Variants in FGF14 observed in about 807,000 individuals in gnomAD.
FGF14 encodes the protein fibroblast growth factor homologous factor 4.
A neutral mutation model predicts 25.5 loss-of-function variants in FGF14; 5 were observed. The observed-to-expected ratio is 0.20, with a 90% CI of 0.10 to 0.41. The LOEUF (loss-of-function observed/expected upper bound fraction) is 0.41, where lower values mean the gene tolerates loss of function less well. Ranked by LOEUF, FGF14 falls within the 10% of genes least tolerant of loss-of-function variation. The probability of loss-of-function intolerance (pLI) is 1.00; values close to 1 mark genes in which losing one functional copy is unlikely to be tolerated. For synonymous variants in FGF14, 138 were observed against 118.3 expected, an observed-to-expected ratio of 1.17 and a Z score of -1.08; for missense variants, 222 against 320.1, an observed-to-expected ratio of 0.69 and a Z score of 2.34.
intron 1 of FGF14, among the ~76,000 whole-genome samples, chr13:102,219,482 T>C (rs756914401): frequency 7.2e-5 from 11 of 152,204 alleles, no homozygotes; most frequent in Admixed American, 3.3e-4. Context: ...AGTTGTAGAA[T>C]TGAACCTTCT....
intron 1 of FGF14, among the ~76,000 whole-genome samples, chr13:101,908,072 G>A (rs1247737190): frequency 6.6e-6 from 1 of 152,144 alleles, no homozygotes; most frequent in Admixed American, 6.6e-5. Context: ...GTAGAAATGG[G>A]AGAGGAGACA....
In FGF14 at chr13:102,160,919, G is replaced by A. The variant is rs561755499; in HGVS notation, c.208+240552C>T. ...ATGTAGTGTTGAATTACAACTCAACGGAAGAACTCACAACTGAACCTCAGC... is the reference window on the plus strand; with the variant it reads ...ATGTAGTGTTGAATTACAACTCAACAGAAGAACTCACAACTGAACCTCAGC... On this transcript the variant is annotated intron_variant, in intron 1 of 4. Transcript: ENST00000376131. 5.9e-5 allele frequency among the ~76,000 whole-genome samples: 9 copies of A among 152,144 alleles called. No individual in the cohort carries two copies. In the South Asian group the frequency reaches 1.2e-3, roughly 21 times the overall value.
rs1317618800 is a variant in FGF14, at chr13:101,719,098, G to A, written c.*3733C>T. ...TCTCAACTGGATGTTAGTCAATGTG[G>A]TCTCTTTTTGAATATGTATCAAATA... is the stretch of plus-strand genomic sequence containing the variant. On this transcript the variant is annotated 3_prime_UTR_variant, in exon 5 of 5. Transcript: ENST00000376143. 6.6e-6 allele frequency: 1 copy of A among 152,094 alleles called. No homozygotes were observed. The highest frequency in any genetic ancestry group is 2.4e-5 in the African/African-American group (1 of 41,422). The allele number at this position is 152,094 out of a possible 1,614,324, so 9.4% of individuals were successfully genotyped here. A position where few individuals can be genotyped will look rare whatever the true frequency, so the allele number is the denominator to read the frequency against.
At chr13:101,796,589 A>C (rs1024670553) in intron 3 of FGF14, among the ~76,000 whole-genome samples, 1 of 152,044 alleles carries the variant, frequency 6.6e-6, no homozygotes, top group Non-Finnish European at 1.5e-5. Flanking sequence ...AAATACGATC[A>C]TGAAGATAGG....
At chr13:101,875,943 A>G (rs1024634188) in intron 1 of FGF14, among the ~76,000 whole-genome samples, 5 of 152,102 alleles carry the variant, frequency 3.3e-5, no homozygotes, top group African/African-American at 1.2e-4. Flanking sequence ...AACACAGCAA[A>G]CCCACGCATA....
At chr13:102,175,482 C>G (rs963537699) in intron 1 of FGF14, among the ~76,000 whole-genome samples, 12 of 152,000 alleles carry the variant, frequency 7.9e-5, no homozygotes, top group African/African-American at 2.7e-4. Context: ...TATAAAAACT[C>G]CTGGAATGAA....
rs557316997 is a variant in FGF14, at chr13:102,002,470, T to C, written c.209-127174A>G. 2.9e-4 allele frequency: 45 copies of C among 156,878 alleles called. 1 individual carries two copies. The South Asian group carries it at 8.2e-3, about 29-fold the overall frequency. 9.7% of individuals were successfully genotyped at this position (156,878 alleles called of 1,614,324 possible). On this transcript the variant is annotated intron_variant, in intron 1 of 4. Coordinates refer to the FGF14 transcript ENST00000376131. Reference sequence around the variant, plus strand: ...CTACTGTGATATGGATAGTATCAAGTTGACTTTCCTTACAGCTGCAAACAA... The same window carrying C: ...CTACTGTGATATGGATAGTATCAAGCTGACTTTCCTTACAGCTGCAAACAA...
At chr13:102,100,512 G>A (rs969108043) in intron 1 of FGF14, among the ~76,000 whole-genome samples, 2 of 152,212 alleles carry the variant, frequency 1.3e-5, no homozygotes, top group Admixed American at 6.5e-5. Context: ...CACAGACAAG[G>A]CTTGTCAGTA....
At chr13:102,135,047 AC>A (rs1332922623) in intron 1 of FGF14, among the ~76,000 whole-genome samples, 10 of 151,314 alleles carry the variant, frequency 6.6e-5, no homozygotes, top group African/African-American at 2.2e-4. Flanking sequence ...ACACACACAC[AC>A]ACACACACAC....
At chr13:102,062,584 C>A (rs1488574791) in intron 1 of FGF14, among the ~76,000 whole-genome samples, 2 of 151,946 alleles carry the variant, frequency 1.3e-5, no homozygotes, top group African/African-American at 4.8e-5. Context: ...TATATAGAGG[C>A]CATTTTCAAA....
chr13:102,070,735 T>C (rs1172883053), intron 1 of FGF14, among the ~76,000 whole-genome samples: 2 of 152,194 alleles, frequency 1.3e-5, no homozygotes, highest in Admixed American at 1.3e-4. Flanking sequence ...TGAGTTTTCA[T>C]GGAAAATAAG....
chr13:101,788,686 T>C (rs1239431272), intron 3 of FGF14, among the ~76,000 whole-genome samples: 4 of 151,578 alleles, frequency 2.6e-5, no homozygotes, highest in Non-Finnish European at 5.9e-5. Flanking sequence ...TTTCTCAAAG[T>C]GTATTTTCTA....
chr13:102,053,476 G>A (rs925907215), intron 1 of FGF14, among the ~76,000 whole-genome samples: 6 of 152,096 alleles, frequency 3.9e-5, no homozygotes, highest in Non-Finnish European at 2.9e-5. Flanking sequence ...CTGAACAACC[G>A]ATCAATTAAA....
chr13:102,379,325 C>A (rs570707897), intron 1 of FGF14, among the ~76,000 whole-genome samples: 1 of 152,034 alleles, frequency 6.6e-6, no homozygotes, highest in South Asian at 2.1e-4. Flanking sequence ...TATGTCTTGA[C>A]ACTAAAAGTA....
chr13:102,161,079 G>C (rs1228232283), intron 1 of FGF14, among the ~76,000 whole-genome samples: 1 of 152,094 alleles, frequency 6.6e-6, no homozygotes, highest in African/African-American at 2.4e-5. Context: ...CTAAGAGAGA[G>C]AAAGAAACAA....
At chr13:102,390,945 T>G (rs999978442) in intron 1 of FGF14, among the ~76,000 whole-genome samples, 1 of 152,186 alleles carries the variant, frequency 6.6e-6, no homozygotes, top group Non-Finnish European at 1.5e-5. Context: ...TACATGTTAA[T>G]TTGAAGTACA....
intron 1 of FGF14, among the ~76,000 whole-genome samples, chr13:102,362,198 A>G (rs1213577698): frequency 6.6e-6 from 1 of 151,968 alleles, no homozygotes; most frequent in Non-Finnish European, 1.5e-5. Context: ...TTTCATCTCC[A>G]TTTCTAGCCA....
intron 1 of FGF14, among the ~76,000 whole-genome samples, chr13:102,094,510 C>A (rs994431958): frequency 3.3e-5 from 5 of 152,036 alleles, no homozygotes; most frequent in Admixed American, 2.6e-4. Flanking sequence ...CTGGAGGGGG[C>A]AGGGAATCCA....
intron 1 of FGF14, among the ~76,000 whole-genome samples, chr13:102,259,076 C>T: frequency 6.6e-6 from 1 of 152,170 alleles, no homozygotes; most frequent in Non-Finnish European, 1.5e-5. Context: ...GTGATGGGCG[C>T]TACCAAGGCA....
Sources: allele counts gnomAD v4.1 joint callset (sites outside exome capture counted in the v4.1 genomes callset), GRCh38; gene constraint gnomAD v4.1.1; transcripts MANE v1.5; gene names NCBI Gene and HGNC (gene_info 2026-07-23, HGNC 2026-07-21).